Variants in PRR33 observed in about 807,000 individuals in gnomAD.
PRR33 encodes the protein proline-rich protein 33.
In PRR33, 1 loss-of-function variant was observed where a neutral mutation model predicts 0.5. The ratio of observed to expected loss-of-function variants is 2.18; its 90% CI spans 0.77 to 10.34. The LOEUF is 10.34. PRR33 is among the 30% of genes most tolerant of loss of function. The pLI, the probability that PRR33 is intolerant of heterozygous loss-of-function variation, is 0.13. For synonymous variants in PRR33, 226 were observed against 110.0 expected, an observed-to-expected ratio of 2.06 and a Z score of -6.60; for missense variants, 552 against 251.8, an observed-to-expected ratio of 2.19 and a Z score of -8.07.
the PRR33 span, among the ~76,000 whole-genome samples, chr11:1,917,452 G>A: frequency 6.6e-6 from 1 of 152,140 alleles, no homozygotes; most frequent in Non-Finnish European, 1.5e-5. Context: ...CCCAACAACT[G>A]CCCTAGAGCC....
the PRR33 span, among the ~76,000 whole-genome samples, chr11:1,915,549 TGGG>T: frequency 2.1e-5 from 2 of 94,022 alleles, no homozygotes; most frequent in South Asian, 4.8e-4. Context: ...GTGTGTGTTG[TGGG>T]GGGTGATGTT....
the PRR33 span, among the ~76,000 whole-genome samples, chr11:1,901,024 T>A: frequency 6.6e-6 from 1 of 152,132 alleles, no homozygotes; most frequent in South Asian, 2.1e-4. Flanking sequence ...AGAAGCAAGA[T>A]GGAAGGGCCA....
the PRR33 span, among the ~76,000 whole-genome samples, chr11:1,906,332 CTT>C: frequency 2.0e-5 from 3 of 152,052 alleles, no homozygotes; most frequent in Non-Finnish European, 4.4e-5. Context: ...CGCTGTAACT[CTT>C]TGTTTTGTTA....
the PRR33 span, among the ~76,000 whole-genome samples, chr11:1,912,666 G>A: frequency 3.3e-5 from 5 of 151,324 alleles, no homozygotes; most frequent in Non-Finnish European, 5.9e-5. Context: ...GCGCAGTGGC[G>A]AGATCACGGC....
At chr11:1,895,260 G>C (rs1217207938), upstream of PRR33, among the ~76,000 whole-genome samples, 1 of 152,012 alleles carries the variant, frequency 6.6e-6, no homozygotes, top group Non-Finnish European at 1.5e-5. Flanking sequence ...AGCCTCCCAG[G>C]TAGCTGGAAC....
At chr11:1,901,561 GT>G in the PRR33 span, among the ~76,000 whole-genome samples, 1 of 152,048 alleles carries the variant, frequency 6.6e-6, no homozygotes, top group Non-Finnish European at 1.5e-5. Flanking sequence ...CTAATTACTT[GT>G]TTTATCATCC....
chr11:1,911,331 A>C, the PRR33 span, among the ~76,000 whole-genome samples: 1 of 152,002 alleles, frequency 6.6e-6, no homozygotes, highest in African/African-American at 2.4e-5. Flanking sequence ...AATCCCAGCT[A>C]CTAGGGAGGC....
At chr11:1,907,368 G>T in the PRR33 span, among the ~76,000 whole-genome samples, 1 of 152,194 alleles carries the variant, frequency 6.6e-6, no homozygotes, top group Non-Finnish European at 1.5e-5. Flanking sequence ...TGGAAACATT[G>T]TTCCCCAGCA....
the PRR33 span, among the ~76,000 whole-genome samples, chr11:1,916,239 C>A: frequency 6.6e-6 from 1 of 152,102 alleles, no homozygotes; most frequent in Non-Finnish European, 1.5e-5. Flanking sequence ...TCTGGGAAGT[C>A]CCTTCGAGGA....
upstream of PRR33, among the ~76,000 whole-genome samples, chr11:1,894,527 C>T (rs1184796991): frequency 6.6e-6 from 1 of 152,134 alleles, no homozygotes; most frequent in Admixed American, 6.5e-5. Context: ...ATGAGCCCTG[C>T]ACCCAAGGGT....
At chr11:1,913,191 C>T in the PRR33 span, among the ~76,000 whole-genome samples, 1 of 152,058 alleles carries the variant, frequency 6.6e-6, no homozygotes, top group Non-Finnish European at 1.5e-5. Context: ...AGTGCAGTGG[C>T]ACAATTTCGG....
chr11:1,904,182 C>CT, the PRR33 span, among the ~76,000 whole-genome samples: 1 of 152,192 alleles, frequency 6.6e-6, no homozygotes, highest in African/African-American at 2.4e-5. Flanking sequence ...GTCAGAGCTC[C>CT]TGGGGGCCGC....
At chr11:1,893,068 TGG>T (rs1849063409), upstream of PRR33, among the ~76,000 whole-genome samples, 1 of 140,442 alleles carries the variant, frequency 7.1e-6, no homozygotes, top group Non-Finnish European at 1.6e-5. Flanking sequence ...GGTGGGTGAG[TGG>T]ATGAATGGTT....
At chr11:1,916,892 C>A in the PRR33 span, among the ~76,000 whole-genome samples, 2 of 152,214 alleles carry the variant, frequency 1.3e-5, no homozygotes, top group Non-Finnish European at 2.9e-5. Flanking sequence ...CTCAAAAGGC[C>A]TGCAGCCTAA....
chr11:1,901,706 C>T, the PRR33 span, among the ~76,000 whole-genome samples: 4 of 152,120 alleles, frequency 2.6e-5, no homozygotes, highest in African/African-American at 9.7e-5. Flanking sequence ...TCATCATTTG[C>T]TCAACCAAGA....
chr11:1,914,594 G>A, the PRR33 span, among the ~76,000 whole-genome samples: 1 of 149,688 alleles, frequency 6.7e-6, no homozygotes, highest in Non-Finnish European at 1.5e-5. Context: ...GTGTGTGTGT[G>A]TGTGTGTGTG....
exon 1 of PRR33, chr11:1,890,017 G>A (rs991185292): frequency 4.4e-6 from 3 of 678,350 alleles, no homozygotes; most frequent in South Asian, 3.3e-5. Flanking sequence ...GTCCCATTGT[G>A]TGGGGATGGT....
rs1459893657 is a variant in PRR33 at position 1,890,164 on chromosome 11, T to C, written c.421A>G (p.Ile141Val). 4.2e-6 allele frequency: 3 copies of C among 716,914 alleles called. No homozygotes were observed. In the Admixed American group the frequency reaches 6.0e-5, roughly 14 times the overall value. 44.4% of individuals were successfully genotyped at this position (716,914 alleles called of 1,614,324 possible). A position where few individuals can be genotyped will look rare whatever the true frequency, so the allele number is the denominator to read the frequency against. ...ATGGCCCTGAATTGAGCAGCTAGAA[T>C]CCTGCGCTGGGTGAGGCCGATGGAG... The change falls in exon 1 of 1, where the codon ATT becomes GTT. Residue 141 changes from isoleucine to valine, a missense_variant. By Grantham distance (29) the Ile-to-Val change is conservative (BLOSUM62 3). Coordinates refer to ENST00000640310, the Ensembl canonical transcript of PRR33.
At chr11:1,902,298 G>A in the PRR33 span, among the ~76,000 whole-genome samples, 165 of 152,110 alleles carry the variant, frequency 1.1e-3, no homozygotes, top group African/African-American at 3.7e-3. Flanking sequence ...TTCTAATGTG[G>A]CTACTGCTTC....
Sources: gnomAD v4.1 joint callset for allele counts (sites outside exome capture counted in the v4.1 genomes callset) on GRCh38, gnomAD v4.1.1 for gene constraint, MANE v1.5 for transcripts, NCBI Gene and HGNC (gene_info 2026-07-23, HGNC 2026-07-21) for gene names.